RSBN1L: variants seen among roughly 807,000 people sequenced by gnomAD.
RSBN1L encodes the protein round spermatid basic protein 1 like, also known as lysine-specific demethylase RSBN1L.
RSBN1L carries 30 observed loss-of-function variants against 67.7 expected under a neutral mutation model. That is an observed-to-expected ratio of 0.44 (90% CI 0.33 to 0.60). The LOEUF is 0.60. Among genes scored for constraint, RSBN1L ranks in the 20% least tolerant of loss-of-function variants. The probability of loss-of-function intolerance (pLI) is 0.02; values close to 1 mark genes in which losing one functional copy is unlikely to be tolerated. For missense variants in RSBN1L, 992 were observed against 1,031.7 expected (o/e 0.96, Z 0.53); for synonymous variants, 433 against 387.0 (o/e 1.12, Z -1.39).
At chr7:77,717,676 G>A (rs543670728) in intron 1 of RSBN1L, among the ~76,000 whole-genome samples, 28 of 152,304 alleles carry the variant, frequency 1.8e-4, no homozygotes, top group African/African-American at 6.0e-4. Context: ...ACCATAAGTA[G>A]AAAGTTGTGG....
At chr7:77,763,149 C>CTTTTTTTTTTTTTTTTTTTTT (rs11440608) in intron 3 of RSBN1L, among the ~76,000 whole-genome samples, 6 of 126,942 alleles carry the variant, frequency 4.7e-5, no homozygotes, top group African/African-American at 9.0e-5. Context: ...TATAATTTGA[C>CTTTTTTTTTTTTTTTTTTTTT]TTTTTTTTTT....
At chr7:77,756,856 A>G (rs1791626813) in intron 3 of RSBN1L, among the ~76,000 whole-genome samples, 1 of 151,864 alleles carries the variant, frequency 6.6e-6, no homozygotes, top group Non-Finnish European at 1.5e-5. Context: ...ATAAAAGAGT[A>G]TATATAGTAA....
rs755517021 is a variant in RSBN1L, at chr7:77,696,973, G to A, written c.504G>A (p.Arg168=). The change falls in exon 1 of 8, where the codon AGG becomes AGA. Residue 168 remains arginine, a synonymous_variant. Coordinates refer to ENST00000334955, the MANE Select transcript of RSBN1L (RefSeq NM_198467.3). ...RRPKEKREKE[R]RRHGLGGARE... ...CTAAGGAGAAGCGGGAGAAGGAGAG[G>A]AGGAGGCACGGTCTCGGTGGGGCCC... 4 of 1,561,976 alleles carry A rather than the reference G, an allele frequency of 2.6e-6. No homozygotes were observed. Among genetic ancestry groups the A allele is most frequent in the Admixed American group, 1.9e-5 (1 of 53,744 alleles).
chr7:77,778,976 C>G lies in RSBN1L; in HGVS notation c.2349C>G (p.Gly783=). ...EKTTALNNMD[G]KNVKAKLDHV... is the part of the protein sequence containing the mutation. ...CTACAGCACTGAATAATATGGATGG[C>G]AAGAATGTTAAAGCAAAATTGGATC... Residue 783 remains glycine (G), a synonymous_variant, in exon 8 of 8, where the codon GGC becomes GGG. Coordinates refer to ENST00000334955, the MANE Select transcript of RSBN1L (RefSeq NM_198467.3). 1 of 1,613,856 alleles carries G rather than the reference C, an allele frequency of 6.2e-7. No individual in the cohort carries two copies. Among genetic ancestry groups the G allele is most frequent in the Non-Finnish European group, 8.5e-7 (1 of 1,179,880 alleles).
Position 77,716,756 on chromosome 7 carries a change from C to T in RSBN1L, c.587-19654C>T, listed in dbSNP as rs534099617. 3.3e-5 allele frequency among the ~76,000 whole-genome samples: 5 copies of T among 150,314 alleles called. No homozygotes were observed. The South Asian group carries it at 1.1e-3, about 32-fold the overall frequency. On this transcript the variant is annotated intron_variant, in intron 1 of 7. Transcript: ENST00000334955. The stretch of plus-strand genomic sequence containing the variant: ...AAGCGATTGTCCTGCCTCAACCTCC[C>T]GAGTAGCTGGGATTACAGGCGTGCA...
intron 1 of RSBN1L, among the ~76,000 whole-genome samples, chr7:77,715,603 G>A (rs1232272132): frequency 6.6e-6 from 1 of 152,122 alleles, no homozygotes; most frequent in African/African-American, 2.4e-5. Flanking sequence ...CACTGTGCCT[G>A]GCCCTAGCAG....
chr7:77,771,090 C>T (rs564150414), intron 5 of RSBN1L, among the ~76,000 whole-genome samples: 163 of 152,096 alleles, frequency 1.1e-3, no homozygotes, highest in African/African-American at 3.9e-3. Flanking sequence ...TACAGGCGCA[C>T]GCCACCACAC....
chr7:77,750,734 T>C (rs749341169), intron 3 of RSBN1L, among the ~76,000 whole-genome samples: 20 of 152,168 alleles, frequency 1.3e-4, no homozygotes, highest in Non-Finnish European at 2.5e-4. Context: ...GATTGGCCAG[T>C]TCTCACATTT....
rs1049347145 is a variant in RSBN1L, at chr7:77,781,992, A to G, written c.*2824A>G. The stretch of plus-strand genomic sequence containing the variant: ...AGTCTCAAAAAAAAAAAAAAAAAAA[A>G]GCATACATCTCTGAAGGTAAAGTAT... On this transcript the variant is annotated 3_prime_UTR_variant, in exon 8 of 8. Coordinates refer to ENST00000334955, the MANE Select transcript of RSBN1L (RefSeq NM_198467.3). The G allele has an allele frequency of 6.6e-6, 1 of 151,084 alleles. No individual in the cohort carries two copies. The highest frequency in any genetic ancestry group is 1.5e-5 in the Non-Finnish European group (1 of 67,816). The allele number at this position is 151,084 out of a possible 1,614,324, so 9.4% of individuals were successfully genotyped here.
In RSBN1L at chr7:77,772,710, CT is replaced by C. The variant is rs374444324; in HGVS notation, c.1626-436del. On this transcript the variant is annotated intron_variant, in intron 5 of 7. Transcript: ENST00000334955. ...CCTCTTCTGTCTTATTTGCTATTGTCTCATTCACTGGCCCCAGTTCTTAGAT... is the reference window on the plus strand; with the variant it reads ...CCTCTTCTGTCTTATTTGCTATTGTCCATTCACTGGCCCCAGTTCTTAGAT... Among the ~76,000 whole-genome samples the C allele has an allele frequency of 8.5e-5, 13 of 152,276 alleles. No homozygotes were observed. In the East Asian group the frequency reaches 2.5e-3, roughly 29 times the overall value.
chr7:77,707,165 AGT>A (rs986558857), intron 1 of RSBN1L, among the ~76,000 whole-genome samples: 2 of 151,976 alleles, frequency 1.3e-5, no homozygotes, highest in African/African-American at 4.8e-5. Context: ...CTGGACTTAC[AGT>A]TGTGTGCCAC....
chr7:77,748,492 A>C lies in RSBN1L; in HGVS notation c.704-932A>C, dbSNP rs574131803. On this transcript the variant is annotated intron_variant, in intron 2 of 7. Transcript: ENST00000334955. ...GGCATAGATGATTCTTTTTTTCTTTATTTTTTTCTTTTTGGGATAGGGTTT... is the reference window on the plus strand; with the variant it reads ...GGCATAGATGATTCTTTTTTTCTTTCTTTTTTTCTTTTTGGGATAGGGTTT... 5.9e-5 allele frequency among the ~76,000 whole-genome samples: 9 copies of C among 151,984 alleles called. No homozygotes were observed. The South Asian group carries it at 1.7e-3, about 28-fold the overall frequency.
chr7:77,743,681 C>T (rs1382755314), intron 2 of RSBN1L, among the ~76,000 whole-genome samples: 1 of 149,084 alleles, frequency 6.7e-6, no homozygotes, highest in Non-Finnish European at 1.5e-5. Context: ...TATACTTTCA[C>T]TCAAATGAAG....
intron 1 of RSBN1L, among the ~76,000 whole-genome samples, chr7:77,732,412 A>T (rs1276350557): frequency 6.6e-6 from 1 of 152,140 alleles, no homozygotes; most frequent in Non-Finnish European, 1.5e-5. Context: ...AGTTCACTGC[A>T]ACCTCTGCCT....
At position 77,696,708 on chromosome 7, in the gene RSBN1L, A is replaced by G. The variant is rs753735851; in HGVS notation, c.239A>G (p.Tyr80Cys). 2.5e-6 allele frequency: 4 copies of G among 1,613,496 alleles called. No individual in the cohort carries two copies. The highest frequency in any genetic ancestry group is 1.7e-5 in the Admixed American group (1 of 60,002). ...QPPAAPSPQSYGSPASWSFAP... is the reference protein window; with the variant it reads ...QPPAAPSPQSCGSPASWSFAP... ...CCGGCAGCACCTTCGCCTCAGAGCT[A>G]TGGCAGCCCCGCGTCTTGGAGCTTT... is the stretch of plus-strand genomic sequence containing the variant. Residue 80 changes from tyrosine to cysteine, a missense_variant, in exon 1 of 8, where the codon TAT becomes TGT. Around this residue, in one of 7 missense-constraint regions of RSBN1L, gnomAD observed 575 missense variants for 483.2 expected, o/e 1.19. Coordinates refer to ENST00000334955, the MANE Select transcript of RSBN1L (RefSeq NM_198467.3).
Position 77,696,918 on chromosome 7 carries a change from C to T in RSBN1L, c.449C>T (p.Ala150Val), listed in dbSNP as rs879100541. 10 of 1,603,144 alleles carry T rather than the reference C, an allele frequency of 6.2e-6. No homozygotes were observed. The South Asian group carries it at 1.1e-4, about 18-fold the overall frequency. Residue 150 changes from alanine (A) to valine (V), a missense_variant, in exon 1 of 8, where the codon GCT (alanine) becomes GTT (valine). Ala to Val is a moderately conservative substitution (Grantham distance 64, BLOSUM62 0). Around this residue, in one of 7 missense-constraint regions of RSBN1L, gnomAD observed 575 missense variants for 483.2 expected, o/e 1.19. Coordinates refer to ENST00000334955, the MANE Select transcript of RSBN1L (RefSeq NM_198467.3). The stretch of plus-strand genomic sequence containing the variant: ...CTCCTCCTGCCCGCCGCCGCCGCCG[C>T]TGCCTCGGCTAACGCCAAGTCGCGC... ...HHLLLPAAAA[A>V]ASANAKSRRP...
intron 1 of RSBN1L, among the ~76,000 whole-genome samples, chr7:77,715,276 A>T (rs1791031464): frequency 6.6e-6 from 1 of 152,116 alleles, no homozygotes. Context: ...TCTCAAAAAG[A>T]AAGAAAGATT....
chr7:77,715,255 G>T (rs1791031143), intron 1 of RSBN1L, among the ~76,000 whole-genome samples: 1 of 152,146 alleles, frequency 6.6e-6, no homozygotes, highest in Non-Finnish European at 1.5e-5. Flanking sequence ...CTGCAACAGA[G>T]TAAGACTCTG....
Position 77,756,250 on chromosome 7 carries a change from A to G in RSBN1L, c.1344+6186A>G, listed in dbSNP as rs963424878. ...GGGTTCAAGCGGTTCTCCTGCCTCA[A>G]CTTCCTGAGTAGCTGGGACTGCAGA... is the stretch of plus-strand genomic sequence containing the variant. On this transcript the variant is annotated intron_variant, in intron 3 of 7. Transcript: ENST00000334955. Among the ~76,000 whole-genome samples, 14 of 151,912 alleles carry G rather than the reference A, an allele frequency of 9.2e-5. No homozygotes were observed. The East Asian group carries it at 1.6e-3, about 17-fold the overall frequency.
Sources: allele counts gnomAD v4.1 joint callset (sites outside exome capture counted in the v4.1 genomes callset), GRCh38; gene constraint gnomAD v4.1.1; regional missense constraint gnomAD v4.1.1; transcripts MANE v1.5; gene names NCBI Gene and HGNC (gene_info 2026-07-23, HGNC 2026-07-21).